Variants in BICC1 observed in about 807,000 individuals in gnomAD.
The protein encoded by BICC1 is BicC family RNA binding protein 1, also known as protein bicaudal C homolog 1.
BICC1 carries 43 observed loss-of-function variants against 111.0 expected under a neutral mutation model. The ratio of observed to expected loss-of-function variants is 0.39; its 90% confidence interval spans 0.30 to 0.50. The LOEUF is 0.50. Among genes scored for constraint, BICC1 ranks in the 20% least tolerant of loss-of-function variants. The pLI is 0.88. For synonymous variants in BICC1, 467 were observed against 434.4 expected (o/e 1.07, Z -0.93); for missense variants, 1,091 against 1,203.2 (o/e 0.91, Z 1.38).
At position 58,579,902 on chromosome 10, in the gene BICC1, C is replaced by T. The variant is rs185179664; in HGVS notation, c.191-40953C>T. 3.9e-5 allele frequency among the ~76,000 whole-genome samples: 6 copies of T among 151,994 alleles called. No homozygotes were observed. The East Asian group carries it at 1.2e-3, about 29-fold the overall frequency. ...TTCCATAATAGAATATATACTCTAGCTTACTCTCAGTCACTCCAGTTTAGT... is the reference window on the plus strand; with the variant it reads ...TTCCATAATAGAATATATACTCTAGTTTACTCTCAGTCACTCCAGTTTAGT... On this transcript the variant is annotated intron_variant, in intron 1 of 20. Coordinates refer to ENST00000373886, the MANE Select transcript of BICC1 (RefSeq NM_001080512.3).
At chr10:58,571,157 T>C (rs1658428) in intron 1 of BICC1, among the ~76,000 whole-genome samples, 69,836 of 151,930 alleles carry the variant, frequency 0.46, 17,074 homozygotes, top group Admixed American at 0.62. Context: ...TAGAAAGGCA[T>C]GCTGACCAGT....
rs1394755916 is a variant in BICC1, at chr10:58,576,183, C to CT, written c.191-44669dup. On this transcript the variant is annotated intron_variant, in intron 1 of 20. Coordinates refer to ENST00000373886, the MANE Select transcript of BICC1 (RefSeq NM_001080512.3). ...GTCAAAGCAAATTTGCCTTCCAAACCTTTCAGGAACAACTCTGTTATATAG... is the reference window on the plus strand; with the variant it reads ...GTCAAAGCAAATTTGCCTTCCAAACCTTTTCAGGAACAACTCTGTTATATAG... 2.0e-5 allele frequency among the ~76,000 whole-genome samples: 3 copies of CT among 152,232 alleles called. No homozygotes were observed. In the East Asian group the frequency reaches 5.8e-4, roughly 29 times the overall value.
chr10:58,612,917 C>A (rs1432411834), intron 1 of BICC1, among the ~76,000 whole-genome samples: 1 of 152,134 alleles, frequency 6.6e-6, no homozygotes, highest in Non-Finnish European at 1.5e-5. Context: ...AAGCTACCCC[C>A]CTCCCATTTA....
In BICC1 at chr10:58,769,371, AAT is replaced by A. The variant is rs1491539838; in HGVS notation, c.308-15629_308-15628del. Among the ~76,000 whole-genome samples the A allele has an allele frequency of 1.0e-4, 9 of 86,116 alleles. No homozygotes were observed. The South Asian group carries it at 2.9e-3, about 28-fold the overall frequency. 56.5% of individuals were successfully genotyped at this position (86,116 alleles called of 152,430 possible). The stretch of plus-strand genomic sequence containing the variant: ...ATGTTGATTGTGGTAATAGTTTTAT[AAT>A]GTATGTGTGTGTGTGTGTGTGTGTG... On this transcript the variant is annotated intron_variant, in intron 3 of 20. Coordinates refer to ENST00000373886, the MANE Select transcript of BICC1 (RefSeq NM_001080512.3).
chr10:58,777,186 T>G (rs1002399518), intron 3 of BICC1, among the ~76,000 whole-genome samples: 2 of 151,728 alleles, frequency 1.3e-5, no homozygotes, highest in African/African-American at 4.9e-5. Flanking sequence ...ATTTCTAGAC[T>G]TTTTTGCTGA....
intron 1 of BICC1, among the ~76,000 whole-genome samples, chr10:58,523,659 T>G (rs1475267468): frequency 6.6e-6 from 1 of 152,070 alleles, no homozygotes; most frequent in Non-Finnish European, 1.5e-5. Flanking sequence ...AGGGATGCCC[T>G]CTCTCACCAC....
rs769653395 is a variant in BICC1, at chr10:58,793,654, A to G, written c.1179+39A>G. ...CTGAATCCAGAGAATTATGTATCAT[A>G]TCATATGCTGTATAGTTTTATTTTG... On this transcript the variant is annotated intron_variant, in intron 9 of 20. Coordinates refer to ENST00000373886, the MANE Select transcript of BICC1 (RefSeq NM_001080512.3). 3.7e-6 allele frequency: 6 copies of G among 1,602,742 alleles called. No homozygotes were observed. The African/African-American group carries it at 6.7e-5, about 18-fold the overall frequency.
At position 58,800,295 on chromosome 10, in the gene BICC1, G is replaced by A. The variant is rs543889252; in HGVS notation, c.1827G>A (p.Glu609=). Residue 609 remains glutamate (E), a synonymous_variant, in exon 13 of 21, where the codon GAG becomes GAA. Transcript: ENST00000373886. ...GDPSIQTSGS[E]QTSPKSSPTE... ...CGTCCATCCAGACAAGTGGGTCTGAGCAGACATCTCCCAAATCAAGCCCCA... is the reference window on the plus strand; with the variant it reads ...CGTCCATCCAGACAAGTGGGTCTGAACAGACATCTCCCAAATCAAGCCCCA... The A allele has an allele frequency of 6.2e-7, 1 of 1,613,720 alleles. No individual in the cohort carries two copies. Among genetic ancestry groups the A allele is most frequent in the East Asian group, 2.2e-5 (1 of 44,802 alleles).
intron 1 of BICC1, among the ~76,000 whole-genome samples, chr10:58,613,769 TAGG>T (rs1453475495): frequency 6.6e-6 from 1 of 152,292 alleles, no homozygotes; most frequent in Non-Finnish European, 1.5e-5. Flanking sequence ...GGAAAGTTGC[TAGG>T]AGAACTGAAT....
intron 15 of BICC1, among the ~76,000 whole-genome samples, chr10:58,805,331 A>G (rs986181436): frequency 1.1e-4 from 16 of 152,102 alleles, no homozygotes; most frequent in African/African-American, 3.9e-4. Flanking sequence ...ACTGCAAGTC[A>G]TCGAGGCTGT....
chr10:58,597,939 C>T (rs766856772), intron 1 of BICC1, among the ~76,000 whole-genome samples: 2 of 151,998 alleles, frequency 1.3e-5, no homozygotes, highest in Non-Finnish European at 2.9e-5. Flanking sequence ...ACATGTTTTA[C>T]AATCAATTTG....
chr10:58,541,966 A>G (rs1032754113), intron 1 of BICC1, among the ~76,000 whole-genome samples: 3 of 152,006 alleles, frequency 2.0e-5, no homozygotes, highest in Non-Finnish European at 2.9e-5. Flanking sequence ...CCTGGGCAAC[A>G]TGGCAAAACC....
chr10:58,722,587 C>A (rs993547460), intron 3 of BICC1, among the ~76,000 whole-genome samples: 3 of 152,004 alleles, frequency 2.0e-5, no homozygotes, highest in South Asian at 4.2e-4. Context: ...GTTAGCAAAC[C>A]TCATATACAG....
chr10:58,711,963 A>T (rs1419181635), intron 3 of BICC1, among the ~76,000 whole-genome samples: 1 of 152,192 alleles, frequency 6.6e-6, no homozygotes, highest in South Asian at 2.1e-4. Flanking sequence ...CATCTGATGA[A>T]GAACTGTTAC....
intron 3 of BICC1, among the ~76,000 whole-genome samples, chr10:58,752,081 C>A (rs1225714868): frequency 1.3e-5 from 2 of 152,120 alleles, no homozygotes; most frequent in Non-Finnish European, 2.9e-5. Flanking sequence ...ATGTTGTATG[C>A]ATTTTTAAAA....
intron 1 of BICC1, among the ~76,000 whole-genome samples, chr10:58,531,573 G>A (rs1405021508): frequency 2.0e-5 from 3 of 151,704 alleles, no homozygotes; most frequent in East Asian, 3.9e-4. Context: ...ATAACTGTCC[G>A]TAAACTGACC....
chr10:58,732,401 A>G (rs1196235162), intron 3 of BICC1, among the ~76,000 whole-genome samples: 38 of 3,602 alleles, frequency 0.011, 1 homozygote, highest in Admixed American at 0.023. Flanking sequence ...ATATATATAT[A>G]TATATATATA....
chr10:58,533,157 G>A (rs559510747), intron 1 of BICC1, among the ~76,000 whole-genome samples: 12 of 151,984 alleles, frequency 7.9e-5, no homozygotes, highest in African/African-American at 1.9e-4. Context: ...CTTCATCAGC[G>A]AGTTGTTCTC....
At chr10:58,711,156 G>A (rs1319194221) in intron 3 of BICC1, among the ~76,000 whole-genome samples, 2 of 152,192 alleles carry the variant, frequency 1.3e-5, no homozygotes, top group East Asian at 3.9e-4. Context: ...AGAATATTTT[G>A]TACTTAAAAC....
Sources: gnomAD v4.1 joint callset for allele counts (sites outside exome capture counted in the v4.1 genomes callset) on GRCh38, gnomAD v4.1.1 for gene constraint, MANE v1.5 for transcripts, NCBI Gene and HGNC (gene_info 2026-07-23, HGNC 2026-07-21) for gene names.